GLCCI1: variants seen among roughly 807,000 people sequenced by gnomAD.
GLCCI1 encodes glucocorticoid-induced transcript 1 protein.
A neutral mutation model predicts 52.2 loss-of-function variants in GLCCI1; 24 were observed. The observed-to-expected ratio is 0.46, with a 90% CI of 0.33 to 0.65. The LOEUF (loss-of-function observed/expected upper bound fraction) is 0.65. Ranked by LOEUF, GLCCI1 falls within the 30% of genes least tolerant of loss-of-function variation. GLCCI1 has a pLI of 0.02. For synonymous variants in GLCCI1, 310 were observed against 276.5 expected (o/e 1.12, Z -1.20); for missense variants, 704 against 701.5 (o/e 1.00, Z -0.04).
intron 1 of GLCCI1, among the ~76,000 whole-genome samples, chr7:7,977,986 A>G (rs749185241): frequency 7.2e-5 from 11 of 152,222 alleles, no homozygotes; most frequent in Non-Finnish European, 4.4e-5. Context: ...CTGCTTATAC[A>G]GTTAAGTCAT....
At chr7:8,070,713 G>A in intron 5 of GLCCI1, 1 of 527,024 alleles carries the variant, frequency 1.9e-6, no homozygotes, top group Non-Finnish European at 3.4e-6. Flanking sequence ...AATTTTTAAG[G>A]CAAACAATTT....
chr7:8,041,356 A>G (rs1447230782), intron 3 of GLCCI1, among the ~76,000 whole-genome samples: 8 of 152,234 alleles, frequency 5.3e-5, no homozygotes, highest in Admixed American at 1.3e-4. Context: ...GAAAGAAGCC[A>G]TATCTATAAA....
chr7:7,990,425 T>A (rs982636291), intron 1 of GLCCI1, among the ~76,000 whole-genome samples: 1 of 152,148 alleles, frequency 6.6e-6, no homozygotes, highest in African/African-American at 2.4e-5. Flanking sequence ...TGTGGCTATT[T>A]TAGAAAATAA....
intron 6 of GLCCI1, among the ~76,000 whole-genome samples, chr7:8,075,162 G>A (rs1782850160): frequency 6.6e-6 from 1 of 152,086 alleles, no homozygotes; most frequent in Non-Finnish European, 1.5e-5. Flanking sequence ...TCGCACATTG[G>A]TTTTTTTCTT....
chr7:8,061,657 CTTTTTT>C (rs61377819), intron 5 of GLCCI1, among the ~76,000 whole-genome samples: 8 of 78,382 alleles, frequency 1.0e-4, no homozygotes, highest in African/African-American at 3.9e-4. Context: ...CCATTGAACT[CTTTTTT>C]TTTTTTTTTT....
chr7:8,071,401 G>A (rs1258585398), intron 6 of GLCCI1, among the ~76,000 whole-genome samples: 1 of 152,210 alleles, frequency 6.6e-6, no homozygotes, highest in African/African-American at 2.4e-5. Context: ...TTCATATAAT[G>A]CATAGGTCTT....
intron 6 of GLCCI1, among the ~76,000 whole-genome samples, chr7:8,078,283 A>G (rs981701622): frequency 6.6e-6 from 1 of 151,628 alleles, no homozygotes; most frequent in Non-Finnish European, 1.5e-5. Context: ...AAGAAAAGCC[A>G]AGGAAAGATC....
At chr7:8,062,169 C>T (rs1410906825) in intron 5 of GLCCI1, among the ~76,000 whole-genome samples, 3 of 152,058 alleles carry the variant, frequency 2.0e-5, no homozygotes, top group African/African-American at 7.2e-5. Context: ...CAATTGTAGC[C>T]ATATCAGAAT....
intron 3 of GLCCI1, among the ~76,000 whole-genome samples, chr7:8,047,433 GA>G (rs1319758608): frequency 6.6e-6 from 1 of 152,182 alleles, no homozygotes; most frequent in Non-Finnish European, 1.5e-5. Flanking sequence ...GTCTGCTAAG[GA>G]AATAAGGATT....
At chr7:7,986,752 T>C (rs1018299685) in intron 1 of GLCCI1, among the ~76,000 whole-genome samples, 1 of 152,208 alleles carries the variant, frequency 6.6e-6, no homozygotes, top group African/African-American at 2.4e-5. Flanking sequence ...GTTTCTTCAC[T>C]TATTGGCATG....
chr7:8,082,032 G>A (rs922796801), intron 6 of GLCCI1, among the ~76,000 whole-genome samples: 3 of 152,172 alleles, frequency 2.0e-5, no homozygotes, highest in African/African-American at 4.8e-5. Context: ...ATACCAGAAT[G>A]AGAAAACTTA....
intron 1 of GLCCI1, among the ~76,000 whole-genome samples, chr7:7,994,794 A>T (rs7783464): frequency 0.078 from 11,933 of 152,250 alleles, 1,285 homozygotes; most frequent in African/African-American, 0.24. Context: ...TATAAGGAAC[A>T]GTCTTGAATA....
chr7:8,049,027 A>C (rs1782197800), intron 3 of GLCCI1, among the ~76,000 whole-genome samples: 1 of 152,202 alleles, frequency 6.6e-6, no homozygotes. Flanking sequence ...AAATTGAAAA[A>C]GATAGATTTA....
At position 7,998,515 on chromosome 7, in the gene GLCCI1, C is replaced by G. The variant is rs189506634; in HGVS notation, c.458-5393C>G. Among the ~76,000 whole-genome samples the G allele has an allele frequency of 3.6e-3, 544 of 152,346 alleles. 2 individuals are homozygous for G. Among genetic ancestry groups the G allele is most frequent in the Non-Finnish European group, 6.1e-3 (414 of 68,028 alleles). ...ACAGGTGTGAGCCACCGTGCAGGCT[C>G]AGGAGGTAGCTTTTATTGTAACTAC... On this transcript the variant is annotated intron_variant, in intron 1 of 7. Transcript: ENST00000223145.
chr7:8,001,542 T>C (rs1315114117), intron 1 of GLCCI1, among the ~76,000 whole-genome samples: 1 of 152,198 alleles, frequency 6.6e-6, no homozygotes, highest in East Asian at 1.9e-4. Context: ...TGGAAGACAG[T>C]GGTGATTCCT....
intron 1 of GLCCI1, among the ~76,000 whole-genome samples, chr7:7,989,189 C>T (rs749986837): frequency 2.2e-4 from 33 of 152,198 alleles, no homozygotes; most frequent in Admixed American, 1.8e-3. Context: ...TAAATTGTAG[C>T]GGCTAGCATT....
rs1199549757 is a variant in GLCCI1, at chr7:8,085,091, A to G, written c.1298+74A>G. 7 of 1,512,206 alleles carry G rather than the reference A, an allele frequency of 4.6e-6. No homozygotes were observed. The Admixed American group carries it at 9.1e-5, about 20-fold the overall frequency. The allele number at this position is 1,512,206 out of a possible 1,614,324, so 93.7% of individuals were successfully genotyped here. On this transcript the variant is annotated intron_variant, in intron 7 of 7. Coordinates refer to ENST00000223145, the MANE Select transcript of GLCCI1 (RefSeq NM_138426.4). ...TTTTACTGAGACCAGTTGATTACAT[A>G]TGAATCAACTACTCTATCCAGCTGA... is the stretch of plus-strand genomic sequence containing the variant.
chr7:7,998,857 A>T (rs1229187059), intron 1 of GLCCI1, among the ~76,000 whole-genome samples: 1 of 152,182 alleles, frequency 6.6e-6, no homozygotes, highest in Non-Finnish European at 1.5e-5. Context: ...CAAGCTTTTA[A>T]TGTCTCTAAA....
At chr7:8,057,263 C>A (rs1306011749) in intron 4 of GLCCI1, among the ~76,000 whole-genome samples, 2 of 151,392 alleles carry the variant, frequency 1.3e-5, no homozygotes, top group Non-Finnish European at 1.5e-5. Context: ...TTCTCAGAGG[C>A]GTTATTCATA....
Sources: allele counts gnomAD v4.1 joint callset (sites outside exome capture counted in the v4.1 genomes callset), GRCh38; gene constraint gnomAD v4.1.1; transcripts MANE v1.5; gene names NCBI Gene and HGNC (gene_info 2026-07-23, HGNC 2026-07-21).